The following MMS22L variants were observed in gnomAD, a reference collection of about 807,000 sequenced individuals.
MMS22L encodes protein MMS22-like.
A neutral mutation model predicts 159.1 loss-of-function variants in MMS22L; 74 were observed. The ratio of observed to expected loss-of-function variants is 0.47; its 90% CI spans 0.39 to 0.56. MMS22L has a LOEUF of 0.56. MMS22L is among the 20% of genes least tolerant of loss of function. The probability of loss-of-function intolerance (pLI) is 0.00; values close to 1 mark genes in which losing one functional copy is unlikely to be tolerated. For missense variants in MMS22L, 1,351 were observed against 1,422.1 expected (o/e 0.95, Z 0.80); for synonymous variants, 517 against 506.9 (o/e 1.02, Z -0.27).
At chr6:97,265,434 G>A (rs1233690732) in intron 8 of MMS22L, 5 of 152,118 alleles carry the variant, frequency 3.3e-5, no homozygotes, top group Non-Finnish European at 7.4e-5. Context: ...TATGACAATG[G>A]TCTGGTAAAT....
chr6:97,166,454 A>G (rs569695279), intron 20 of MMS22L, among the ~76,000 whole-genome samples: 7 of 152,154 alleles, frequency 4.6e-5, no homozygotes, highest in Non-Finnish European at 7.4e-5. Flanking sequence ...ATTTGTAATG[A>G]AAAATAGCAT....
chr6:97,165,580 A>G (rs979604001), intron 20 of MMS22L, 123 bp from the exon 21 acceptor site: 2 of 794,952 alleles, frequency 2.5e-6, no homozygotes, highest in African/African-American at 3.5e-5. Flanking sequence ...ATCAAAAAGG[A>G]TACCTCACGT....
At chr6:97,207,926 T>C (rs557432144) in intron 14 of MMS22L, among the ~76,000 whole-genome samples, 2 of 152,104 alleles carry the variant, frequency 1.3e-5, no homozygotes, top group Non-Finnish European at 2.9e-5. Context: ...CTTAGGGTGA[T>C]AAGGTCAAGA....
chr6:97,213,326 A>T (rs1372952290), intron 14 of MMS22L, among the ~76,000 whole-genome samples: 2 of 152,148 alleles, frequency 1.3e-5, no homozygotes, highest in Non-Finnish European at 2.9e-5. Context: ...GAATCACTTG[A>T]ACACAGGAGG....
chr6:97,250,589 C>T (rs923485996), intron 10 of MMS22L, among the ~76,000 whole-genome samples: 1 of 152,050 alleles, frequency 6.6e-6, no homozygotes, highest in Non-Finnish European at 1.5e-5. Flanking sequence ...TAAACAGAAA[C>T]GTAAGAAAAT....
chr6:97,208,136 T>A (rs1807979474), intron 14 of MMS22L, among the ~76,000 whole-genome samples: 1 of 152,166 alleles, frequency 6.6e-6, no homozygotes, highest in Non-Finnish European at 1.5e-5. Flanking sequence ...CATCAGATCA[T>A]TCCTTTCCTT....
At chr6:97,281,903 T>C (rs1322324609) in intron 2 of MMS22L, among the ~76,000 whole-genome samples, 2 of 152,244 alleles carry the variant, frequency 1.3e-5, no homozygotes, top group Non-Finnish European at 2.9e-5. Context: ...TATACACTTC[T>C]ATATGTGCAG....
chr6:97,220,651 A>G (rs1809531686), intron 14 of MMS22L, among the ~76,000 whole-genome samples: 2 of 151,686 alleles, frequency 1.3e-5, no homozygotes, highest in Admixed American at 6.6e-5. Flanking sequence ...TTCACCAAAG[A>G]AGACACACGC....
intron 9 of MMS22L, among the ~76,000 whole-genome samples, chr6:97,257,288 G>A (rs1443888092): frequency 6.6e-6 from 1 of 151,980 alleles, no homozygotes; most frequent in Non-Finnish European, 1.5e-5. Flanking sequence ...TTCAAAATTA[G>A]CCTACTATAC....
chr6:97,214,689 T>TG (rs1281688188), intron 14 of MMS22L, among the ~76,000 whole-genome samples: 5 of 150,062 alleles, frequency 3.3e-5, no homozygotes, highest in African/African-American at 4.9e-5. Context: ...TTTTTTGTTT[T>TG]TTTTTTTTTT....
chr6:97,233,885 T>G lies in MMS22L; in HGVS notation c.1278A>C (p.Leu426Phe). ...WEPNIAIVTI[L>F]WEYYSKNLNS... ...CCAGGTTCTTACTATAATATTCCCA[T>G]AAAATGGTAACAATTGCAATGTTTG... The change falls in exon 12 of 25, where the codon TTA becomes TTC. Residue 426 changes from leucine to phenylalanine, a missense_variant. Transcript: ENST00000683635. The G allele has an allele frequency of 6.2e-7, 1 of 1,608,954 alleles. No homozygotes were observed. Among genetic ancestry groups the G allele is most frequent in the Non-Finnish European group, 8.5e-7 (1 of 1,177,896 alleles).
chr6:97,266,705 CTGGAGGACA>C (rs1815158104), intron 8 of MMS22L: 1 of 152,124 alleles, frequency 6.6e-6, no homozygotes, highest in African/African-American at 2.4e-5. Context: ...ATGGATGAAC[CTGGAGGACA>C]TTAAATTAAG....
intron 14 of MMS22L, among the ~76,000 whole-genome samples, chr6:97,189,143 G>A (rs562830445): frequency 6.6e-6 from 1 of 151,808 alleles, no homozygotes; most frequent in East Asian, 1.9e-4. Context: ...AGGCAATAAT[G>A]AGAAAGGCCA....
At chr6:97,187,815 C>T (rs1433063380) in intron 14 of MMS22L, among the ~76,000 whole-genome samples, 1 of 152,172 alleles carries the variant, frequency 6.6e-6, no homozygotes, top group Non-Finnish European at 1.5e-5. Context: ...TATAAGATCA[C>T]ATCTTAGAAT....
intron 20 of MMS22L, among the ~76,000 whole-genome samples, chr6:97,166,888 T>G (rs1803012263): frequency 6.6e-6 from 1 of 152,124 alleles, no homozygotes; most frequent in African/African-American, 2.4e-5. Flanking sequence ...TTTGTCATTC[T>G]GCTAGATTAA....
intron 9 of MMS22L, chr6:97,260,844 TTTTC>T: frequency 6.6e-6 from 1 of 152,330 alleles, no homozygotes. Flanking sequence ...TTTCCTTTCC[TTTTC>T]TTTCTTCTTT....
At chr6:97,192,889 G>T (rs1391187514) in intron 14 of MMS22L, among the ~76,000 whole-genome samples, 1 of 152,148 alleles carries the variant, frequency 6.6e-6, no homozygotes, top group Non-Finnish European at 1.5e-5. Flanking sequence ...GTACAGAAAG[G>T]ATAAGTAATT....
chr6:97,238,595 G>T (rs200801068), intron 11 of MMS22L, among the ~76,000 whole-genome samples: 14 of 99,558 alleles, frequency 1.4e-4, no homozygotes, highest in South Asian at 3.3e-4. Flanking sequence ...GTGTGTGTGT[G>T]TGTGTGTGTT....
chr6:97,247,130 G>C (rs995290265), intron 10 of MMS22L, among the ~76,000 whole-genome samples: 1 of 150,458 alleles, frequency 6.6e-6, no homozygotes, highest in East Asian at 1.9e-4. Context: ...ATCTACTTTA[G>C]TAAACAAAGT....
Sources: gnomAD v4.1 joint callset for allele counts (sites outside exome capture counted in the v4.1 genomes callset) on GRCh38, gnomAD v4.1.1 for gene constraint, MANE v1.5 for transcripts, NCBI Gene and HGNC (gene_info 2026-07-23, HGNC 2026-07-21) for gene names.